Variants in SUSD6 observed in about 807,000 individuals in gnomAD.
The protein encoded by SUSD6 is sushi domain containing 6.
Under a neutral mutation model 28.4 loss-of-function variants are expected in SUSD6, and 16 were observed. The observed-to-expected ratio is 0.56, with a 90% CI of 0.38 to 0.86. SUSD6 has a LOEUF of 0.86. Among genes scored for constraint, SUSD6 ranks in the 40% least tolerant of loss-of-function variants. The pLI, the probability that SUSD6 is intolerant of heterozygous loss-of-function variation, is 0.00. For synonymous variants in SUSD6, 147 were observed against 159.6 expected (o/e 0.92, Z 0.59); for missense variants, 341 against 384.2 (o/e 0.89, Z 0.94).
At position 69,668,869 on chromosome 14, in the gene SUSD6, C is replaced by T. The variant is rs368479791; in HGVS notation, c.121+10156C>T. On this transcript the variant is annotated intron_variant, in intron 2 of 5. Coordinates refer to ENST00000342745, the MANE Select transcript of SUSD6 (RefSeq NM_014734.4). ...CTCCCCACCTCCACTTTCTCCCTTTCGTTCTCATTCTCACCATGTGATGTG... is the reference window on the plus strand; with the variant it reads ...CTCCCCACCTCCACTTTCTCCCTTTTGTTCTCATTCTCACCATGTGATGTG... 1.6e-4 allele frequency among the ~76,000 whole-genome samples: 24 copies of T among 151,800 alleles called. No homozygotes were observed. The East Asian group carries it at 3.5e-3, about 22-fold the overall frequency.
At chr14:69,709,137 C>T in intron 5 of SUSD6, 33 bp downstream of exon 5, 2 of 1,513,588 alleles carry the variant, frequency 1.3e-6, no homozygotes, top group South Asian at 2.6e-5. Context: ...GAATTATTAG[C>T]TGCTTAGGGT....
At chr14:69,693,384 A>G (rs1886179821) in intron 2 of SUSD6, among the ~76,000 whole-genome samples, 1 of 152,092 alleles carries the variant, frequency 6.6e-6, no homozygotes, top group African/African-American at 2.4e-5. Flanking sequence ...TATGGAGTCC[A>G]TTTGTCAGCC....
intron 1 of SUSD6, among the ~76,000 whole-genome samples, chr14:69,657,180 G>C (rs539575091): frequency 1.3e-5 from 2 of 152,294 alleles, no homozygotes; most frequent in East Asian, 3.9e-4. Context: ...TTGGTACCAG[G>C]TGCAGTGGTT....
intron 2 of SUSD6, among the ~76,000 whole-genome samples, chr14:69,695,619 C>G (rs900421032): frequency 1.3e-5 from 2 of 152,184 alleles, no homozygotes; most frequent in Non-Finnish European, 2.9e-5. Context: ...AGAAGCCTGA[C>G]TCCGAGACCC....
At chr14:69,628,027 G>T (rs542405679) in intron 1 of SUSD6, among the ~76,000 whole-genome samples, 1 of 151,720 alleles carries the variant, frequency 6.6e-6, no homozygotes, top group East Asian at 1.9e-4. Context: ...TTTGTCTCCT[G>T]GGTTCAAGCG....
intron 1 of SUSD6, among the ~76,000 whole-genome samples, chr14:69,626,879 C>G (rs1300735298): frequency 1.4e-5 from 2 of 147,262 alleles, no homozygotes; most frequent in Non-Finnish European, 1.5e-5. Context: ...TTTTTTTTGT[C>G]TTGCTGTGTT....
At chr14:69,669,068 T>C (rs868168801) in intron 2 of SUSD6, among the ~76,000 whole-genome samples, 278 of 132,646 alleles carry the variant, frequency 2.1e-3, no homozygotes, top group Middle Eastern at 0.015. Flanking sequence ...TTTTCTTTTT[T>C]TTTTTTTTTT....
At chr14:69,641,946 C>T (rs137976790) in intron 1 of SUSD6, among the ~76,000 whole-genome samples, 230 of 152,196 alleles carry the variant, frequency 1.5e-3, no homozygotes, top group African/African-American at 5.4e-3. Flanking sequence ...TCATCATGCT[C>T]GTGCTTTGTT....
intron 1 of SUSD6, among the ~76,000 whole-genome samples, chr14:69,641,653 G>C (rs1355754424): frequency 6.6e-6 from 1 of 152,016 alleles, no homozygotes; most frequent in Non-Finnish European, 1.5e-5. Context: ...GCAGTGCTGT[G>C]ATCATAGCTC....
chr14:69,675,687 A>T lies in SUSD6; in HGVS notation c.121+16974A>T, dbSNP rs549864459. On this transcript the variant is annotated intron_variant, in intron 2 of 5. Transcript: ENST00000342745. ...CAAACACTTGCTTGTATATCATGTC[A>T]TATTGTTGTCCTCACGGTAAACCAT... Among the ~76,000 whole-genome samples the T allele has an allele frequency of 3.3e-5, 5 of 152,334 alleles. No homozygotes were observed. In the South Asian group the frequency reaches 1.0e-3, roughly 32 times the overall value.
intron 2 of SUSD6, among the ~76,000 whole-genome samples, chr14:69,686,188 C>G (rs555131126): frequency 6.6e-6 from 1 of 152,318 alleles, no homozygotes; most frequent in East Asian, 1.9e-4. Flanking sequence ...CTTAAGTCAA[C>G]AGCCCTGCTC....
At chr14:69,671,622 G>A (rs896199716) in intron 2 of SUSD6, among the ~76,000 whole-genome samples, 1 of 152,208 alleles carries the variant, frequency 6.6e-6, no homozygotes, top group South Asian at 2.1e-4. Context: ...AGGGAGAAGA[G>A]TGGAGGAGCA....
At chr14:69,676,639 C>T (rs989380722) in intron 2 of SUSD6, among the ~76,000 whole-genome samples, 1 of 152,224 alleles carries the variant, frequency 6.6e-6, no homozygotes, top group Non-Finnish European at 1.5e-5. Flanking sequence ...AAGCAGTCCT[C>T]ATGCCTTGGC....
chr14:69,625,961 A>G (rs1047838805), intron 1 of SUSD6, among the ~76,000 whole-genome samples: 1 of 152,118 alleles, frequency 6.6e-6, no homozygotes, highest in Non-Finnish European at 1.5e-5. Flanking sequence ...CTCTCTCCCT[A>G]TACCACTTTA....
In SUSD6 at chr14:69,703,537, G is replaced by T. The variant is rs368195029; in HGVS notation, c.264G>T (p.Thr88=). 2.5e-6 allele frequency: 4 copies of T among 1,614,104 alleles called. No homozygotes were observed. In the Admixed American group the frequency reaches 5.0e-5, roughly 20 times the overall value. ...YMLKGDYKYL[T]CKNGEWKPAM... ...TGAAGGGCGATTACAAATACCTGAC[G>T]TGTAAGAATGGCGAGTGGAAACCAG... The change falls in exon 3 of 6, where the codon ACG becomes ACT. Residue 88 remains threonine (T), a synonymous_variant. Transcript: ENST00000342745.
chr14:69,656,797 T>C (rs1885590086), intron 1 of SUSD6, among the ~76,000 whole-genome samples: 1 of 152,246 alleles, frequency 6.6e-6, no homozygotes, highest in African/African-American at 2.4e-5. Context: ...AGAAACAGAT[T>C]TGAATCCAGG....
At chr14:69,623,013 A>G (rs1403464126) in intron 1 of SUSD6, among the ~76,000 whole-genome samples, 2 of 152,240 alleles carry the variant, frequency 1.3e-5, no homozygotes, top group Non-Finnish European at 2.9e-5. Flanking sequence ...ACTTGTATGT[A>G]GTAGTGATGT....
chr14:69,636,985 A>C (rs967295496), intron 1 of SUSD6, among the ~76,000 whole-genome samples: 1 of 152,206 alleles, frequency 6.6e-6, no homozygotes, highest in Non-Finnish European at 1.5e-5. Context: ...TTATAAGATG[A>C]TCCCAAAGTT....
intron 2 of SUSD6, among the ~76,000 whole-genome samples, chr14:69,684,015 G>A (rs1566603091): frequency 2.0e-5 from 3 of 152,334 alleles, no homozygotes; most frequent in East Asian, 3.9e-4. Context: ...GAGCCATCAG[G>A]TTGTTGCTGG....
Sources: gnomAD v4.1 joint callset for allele counts (sites outside exome capture counted in the v4.1 genomes callset) on GRCh38, gnomAD v4.1.1 for gene constraint, MANE v1.5 for transcripts, NCBI Gene and HGNC (gene_info 2026-07-23, HGNC 2026-07-21) for gene names.